Variants in KLHL3 observed in about 807,000 individuals in gnomAD.
KLHL3 encodes kelch like family member 3, also known as kelch-like protein 3.
In KLHL3, 19 loss-of-function variants were observed where a neutral mutation model predicts 70.5. The observed-to-expected ratio is 0.27, with a 90% confidence interval of 0.19 to 0.40. The LOEUF is 0.40. Among genes scored for constraint, KLHL3 ranks in the 10% least tolerant of loss-of-function variants. The pLI is 1.00. For synonymous variants in KLHL3, 258 were observed against 290.3 expected, an observed-to-expected ratio of 0.89 and a Z score of 1.13; for missense variants, 512 against 771.1, an observed-to-expected ratio of 0.66 and a Z score of 3.98.
At chr5:137,703,802 T>C (rs986393627) in intron 3 of KLHL3, among the ~76,000 whole-genome samples, 2 of 151,896 alleles carry the variant, frequency 1.3e-5, no homozygotes, top group African/African-American at 4.8e-5. Flanking sequence ...GGAAATATCT[T>C]TCTGCTCAAC....
chr5:137,726,104 G>A (rs1279218045), intron 1 of KLHL3, among the ~76,000 whole-genome samples: 1 of 152,076 alleles, frequency 6.6e-6, no homozygotes, highest in Non-Finnish European at 1.5e-5. Context: ...CTTCTAAAAT[G>A]TCATCTGACC....
rs1179353535 is a variant in KLHL3, at chr5:137,660,908, A to C, written c.753+1007T>G. The C allele has an allele frequency of 2.6e-5, 4 of 152,752 alleles. No individual in the cohort carries two copies. In the East Asian group the frequency reaches 5.8e-4, roughly 22 times the overall value. 9.5% of individuals were successfully genotyped at this position (152,752 alleles called of 1,614,324 possible). A position where few individuals can be genotyped will look rare whatever the true frequency, so the allele number is the denominator to read the frequency against. On this transcript the variant is annotated intron_variant, in intron 7 of 14. Transcript: ENST00000309755. ...CATGTACCCAGTATTATATGGCTGG[A>C]AAGTAACAAGAGCTGGGCTGCTGGG... is the stretch of plus-strand genomic sequence containing the variant.
At position 137,641,323 on chromosome 5, in the gene KLHL3, T is replaced by C. The variant is rs1750909588; in HGVS notation, c.904-1346A>G. Among the ~76,000 whole-genome samples, 3 of 152,306 alleles carry C rather than the reference T, an allele frequency of 2.0e-5. No homozygotes were observed. In the South Asian group the frequency reaches 6.2e-4, roughly 32 times the overall value. On this transcript the variant is annotated intron_variant, in intron 8 of 14. Transcript: ENST00000309755. ...CATACATCAGAATCACCTAGAGGACTTGTGAAAACACAAGCTGCTGGGCCC... is the reference window on the plus strand; with the variant it reads ...CATACATCAGAATCACCTAGAGGACCTGTGAAAACACAAGCTGCTGGGCCC...
intron 5 of KLHL3, among the ~76,000 whole-genome samples, chr5:137,683,801 C>G (rs1034312513): frequency 6.6e-6 from 1 of 151,692 alleles, no homozygotes; most frequent in African/African-American, 2.4e-5. Context: ...CACACATGCA[C>G]GCGCACACAC....
chr5:137,636,042 G>C (rs543457814), intron 11 of KLHL3, among the ~76,000 whole-genome samples: 7 of 152,192 alleles, frequency 4.6e-5, no homozygotes, highest in Admixed American at 4.6e-4. Flanking sequence ...AAATGAGAAG[G>C]TGGCTAGACA....
intron 7 of KLHL3, among the ~76,000 whole-genome samples, chr5:137,658,632 C>T (rs1220926161): frequency 1.3e-5 from 2 of 152,196 alleles, no homozygotes; most frequent in Admixed American, 1.3e-4. Flanking sequence ...TCCTGAAAGC[C>T]TCTAACCACA....
At chr5:137,667,187 A>G (rs1751635170) in intron 6 of KLHL3, among the ~76,000 whole-genome samples, 1 of 152,204 alleles carries the variant, frequency 6.6e-6, no homozygotes, top group Non-Finnish European at 1.5e-5. Context: ...ACATTACAGT[A>G]GCAGAGTTGA....
chr5:137,625,362 C>A (rs182057927), intron 14 of KLHL3, among the ~76,000 whole-genome samples: 1 of 152,292 alleles, frequency 6.6e-6, no homozygotes, highest in East Asian at 1.9e-4. Flanking sequence ...TTGTCCAATT[C>A]GACCCTGGAC....
At chr5:137,734,532 G>A (rs141191004) in intron 1 of KLHL3, among the ~76,000 whole-genome samples, 60 of 152,274 alleles carry the variant, frequency 3.9e-4, no homozygotes, top group African/African-American at 1.4e-3. Context: ...ACTGTGCCCC[G>A]TGAGACACAG....
Position 137,628,472 on chromosome 5 carries a change from T to A in KLHL3, c.1451-35A>T, listed in dbSNP as rs371553279. 8.2e-5 allele frequency: 132 copies of A among 1,612,588 alleles called. No homozygotes were observed. The African/African-American group carries it at 1.5e-3, about 19-fold the overall frequency. ...AGAGCACAGCATCCCAGCCTCATGC[T>A]GACTACAGTAACCAGAAATCAGGAG... is the stretch of plus-strand genomic sequence containing the variant. On this transcript the variant is annotated intron_variant, in intron 12 of 14. Transcript: ENST00000309755.
At chr5:137,713,875 GA>G (rs1017056399) in intron 2 of KLHL3, among the ~76,000 whole-genome samples, 21 of 152,110 alleles carry the variant, frequency 1.4e-4, no homozygotes, top group Admixed American at 5.2e-4. Context: ...ATGAACAAGA[GA>G]TTTTTTTTAT....
chr5:137,653,707 G>A (rs1275168574), intron 8 of KLHL3, among the ~76,000 whole-genome samples: 1 of 152,142 alleles, frequency 6.6e-6, no homozygotes, highest in Non-Finnish European at 1.5e-5. Context: ...TTCTTATAAA[G>A]TTAAACATAT....
intron 5 of KLHL3, among the ~76,000 whole-genome samples, chr5:137,691,861 G>A (rs375997816): frequency 6.6e-5 from 10 of 151,118 alleles, no homozygotes; most frequent in African/African-American, 2.4e-4. Context: ...CTCATGACCC[G>A]CCTGCCTCAG....
intron 1 of KLHL3, among the ~76,000 whole-genome samples, chr5:137,726,068 T>A (rs1753080425): frequency 6.6e-6 from 1 of 152,212 alleles, no homozygotes; most frequent in Non-Finnish European, 1.5e-5. Flanking sequence ...TCCAAGTATT[T>A]CCTGCACACC....
chr5:137,622,879 G>A (rs901499973), intron 14 of KLHL3, among the ~76,000 whole-genome samples: 4 of 152,158 alleles, frequency 2.6e-5, no homozygotes, highest in African/African-American at 9.7e-5. Flanking sequence ...TGCTATCCTC[G>A]ACTACAGCCA....
At chr5:137,637,483 A>G in intron 10 of KLHL3, 88 bp from the exon 11 acceptor site, 1 of 1,139,440 alleles carries the variant, frequency 8.8e-7, no homozygotes, top group South Asian at 1.3e-5. Flanking sequence ...AGGAGTCCAA[A>G]TGCATGGGCT....
chr5:137,628,720 C>CAG (rs1324750033), intron 12 of KLHL3: 5 of 155,478 alleles, frequency 3.2e-5, no homozygotes, highest in African/African-American at 1.5e-4. Context: ...TATACACACA[C>CAG]ACAGACAGAC....
chr5:137,686,944 G>C (rs1433700402), intron 5 of KLHL3, among the ~76,000 whole-genome samples: 2 of 8,774 alleles, frequency 2.3e-4, no homozygotes, highest in African/African-American at 9.9e-4. Flanking sequence ...CCCTCTGCCC[G>C]GCCAGCCGCC....
Position 137,658,197 on chromosome 5 carries a change from A to C in KLHL3, c.837T>G (p.Pro279=). The C allele has an allele frequency of 6.2e-7, 1 of 1,613,870 alleles. No homozygotes were observed. The highest frequency in any genetic ancestry group is 8.5e-7 in the Non-Finnish European group (1 of 1,179,796). The part of the protein sequence containing the change: ...LIEAMKYHLL[P]LDQRLLIKNP... ...TCTTAATCAATAGTCTCTGATCCAG[A>C]GGGAGGAGATGGTATTTCATGGCCT... Residue 279 remains proline (P), a synonymous_variant, in exon 8 of 15, where the codon CCT becomes CCG. Transcript: ENST00000309755.
Sources: allele counts gnomAD v4.1 joint callset (sites outside exome capture counted in the v4.1 genomes callset), GRCh38; gene constraint gnomAD v4.1.1; transcripts MANE v1.5; gene names NCBI Gene and HGNC (gene_info 2026-07-23, HGNC 2026-07-21).